PHF21B: variants seen among roughly 807,000 people sequenced by gnomAD.
The protein encoded by PHF21B is PHD finger protein 21B, also known as PHD finger protein 4.
Under a neutral mutation model 62.2 loss-of-function variants are expected in PHF21B, and 22 were observed. The ratio of observed to expected loss-of-function variants is 0.35; its 90% confidence interval spans 0.25 to 0.51. PHF21B has a LOEUF of 0.51. PHF21B is among the 20% of genes least tolerant of loss of function. The pLI, the probability that PHF21B is intolerant of heterozygous loss-of-function variation, is 0.97. For missense variants in PHF21B, 701 were observed against 707.9 expected, an observed-to-expected ratio of 0.99 and a Z score of 0.11; for synonymous variants, 341 against 314.7, an observed-to-expected ratio of 1.08 and a Z score of -0.88.
In PHF21B at chr22:44,888,032, G is replaced by C; in HGVS notation, c.1128C>G (p.Leu376=). 8 of 1,562,090 alleles carry C rather than the reference G, an allele frequency of 5.1e-6. No individual in the cohort carries two copies. The highest frequency in any genetic ancestry group is 6.9e-6 in the Non-Finnish European group (8 of 1,153,954). Residue 376 remains leucine, a synonymous_variant, in exon 10 of 13, where the codon CTC becomes CTG. Coordinates refer to ENST00000313237, the MANE Select transcript of PHF21B (RefSeq NM_138415.5). ...TCTTGAGGGGCGGCTCCAGGCAGCT[G>C]AGGTGGTAGGCCCCCGGGCAGGTGC... ...PCGTCPGAYH[L]SCLEPPLKTA... is the part of the protein sequence containing the mutation.
chr22:44,955,097 G>C (rs1333060760), intron 2 of PHF21B, among the ~76,000 whole-genome samples: 1 of 152,224 alleles, frequency 6.6e-6, no homozygotes, highest in East Asian at 1.9e-4. Context: ...GGCAGAGGGT[G>C]GGAATGGCCG....
intron 2 of PHF21B, among the ~76,000 whole-genome samples, chr22:45,004,702 C>T (rs973337447): frequency 1.3e-5 from 2 of 152,220 alleles, no homozygotes; most frequent in African/African-American, 4.8e-5. Context: ...GATAACCCCC[C>T]AGCTTCATTC....
At chr22:44,942,081 C>G (rs935765736) in intron 2 of PHF21B, among the ~76,000 whole-genome samples, 10 of 152,198 alleles carry the variant, frequency 6.6e-5, no homozygotes, top group African/African-American at 2.4e-4. Context: ...TGACATGGCA[C>G]AGCAAGTCTG....
At chr22:44,947,171 G>A (rs73426654) in intron 2 of PHF21B, among the ~76,000 whole-genome samples, 2,099 of 152,306 alleles carry the variant, frequency 0.014, 59 homozygotes, top group African/African-American at 0.048. Context: ...AGCTGTCCCA[G>A]TCCCCAGGCA....
At chr22:44,988,902 G>A (rs911734400) in intron 2 of PHF21B, among the ~76,000 whole-genome samples, 2 of 152,220 alleles carry the variant, frequency 1.3e-5, no homozygotes, top group African/African-American at 4.8e-5. Context: ...GGTGAGGGCT[G>A]CTCTCTGCTT....
rs548575805 is a variant in PHF21B at position 44,889,045 on chromosome 22, T to C, written c.1038+715A>G. On this transcript the variant is annotated intron_variant, in intron 9 of 12. Coordinates refer to ENST00000313237, the MANE Select transcript of PHF21B (RefSeq NM_138415.5). ...GGCCCCCCAGCACCAACCCGTGCCA[T>C]TGCAGGGCTATTGTGAAAATGACAC... 2.4e-3 allele frequency among the ~76,000 whole-genome samples: 366 copies of C among 152,346 alleles called. 2 individuals are homozygous for C. The highest frequency in any genetic ancestry group is 8.5e-3 in the African/African-American group (354 of 41,588).
intron 2 of PHF21B, among the ~76,000 whole-genome samples, chr22:44,994,381 G>A (rs1020852584): frequency 6.6e-6 from 1 of 152,084 alleles, no homozygotes; most frequent in African/African-American, 2.4e-5. Flanking sequence ...GGTGTAGACA[G>A]AGGCAGAGAC....
intron 2 of PHF21B, among the ~76,000 whole-genome samples, chr22:44,977,894 T>C (rs1301968176): frequency 6.6e-6 from 1 of 152,094 alleles, no homozygotes; most frequent in African/African-American, 2.4e-5. Flanking sequence ...CCTGCATGTT[T>C]TGAACTTTAA....
Position 44,882,608 on chromosome 22 carries a change from C to A in PHF21B, c.*478G>T, listed in dbSNP as rs1282940156. 9.9e-5 allele frequency: 15 copies of A among 151,212 alleles called. No individual in the cohort carries two copies. Among genetic ancestry groups the A allele is most frequent in the Admixed American group, 4.0e-4 (6 of 15,170 alleles). 9.4% of individuals were successfully genotyped at this position (151,212 alleles called of 1,614,324 possible). Reference sequence around the variant, plus strand: ...TGAGGAACTACCTAGATCCACTACCCCGCTTCTCGTCCCAACTACCGCTAC... The same window carrying A: ...TGAGGAACTACCTAGATCCACTACCACGCTTCTCGTCCCAACTACCGCTAC... On this transcript the variant is annotated 3_prime_UTR_variant, in exon 13 of 13. Transcript: ENST00000313237.
At chr22:44,927,587 C>T (rs1449246678) in intron 2 of PHF21B, among the ~76,000 whole-genome samples, 1 of 152,184 alleles carries the variant, frequency 6.6e-6, no homozygotes, top group African/African-American at 2.4e-5. Context: ...CATCCCCTTC[C>T]AACAACCGTC....
chr22:44,990,265 T>A (rs2073021692), intron 2 of PHF21B, among the ~76,000 whole-genome samples: 1 of 152,230 alleles, frequency 6.6e-6, no homozygotes, highest in Non-Finnish European at 1.5e-5. Flanking sequence ...ACTGAGGGTT[T>A]GCCCAGGAAG....
chr22:45,001,259 C>T (rs1236755711), intron 2 of PHF21B: 1 of 152,316 alleles, frequency 6.6e-6, no homozygotes, highest in Admixed American at 6.6e-5. Flanking sequence ...ATTCACCAGC[C>T]CAGTCCGACC....
At chr22:44,999,765 C>G (rs143639730) in intron 2 of PHF21B, among the ~76,000 whole-genome samples, 1 of 152,224 alleles carries the variant, frequency 6.6e-6, no homozygotes, top group East Asian at 1.9e-4. Flanking sequence ...GGCTTCTCTA[C>G]TCACCAGGGG....
In PHF21B at chr22:44,936,090, C is replaced by A. The variant is rs1011845900; in HGVS notation, c.121-15600G>T. On this transcript the variant is annotated intron_variant, in intron 2 of 12. Transcript: ENST00000313237. ...ATGTACTAGGAGAGGCGGAAACATT[C>A]CTTGTCCTCCAAATACCGTGGAGAA... 5.9e-5 allele frequency among the ~76,000 whole-genome samples: 9 copies of A among 152,370 alleles called. 1 individual carries two copies.
At chr22:45,001,888 G>A (rs561051600) in intron 2 of PHF21B, 3 of 152,338 alleles carry the variant, frequency 2.0e-5, no homozygotes, top group Non-Finnish European at 4.4e-5. Flanking sequence ...CGCCGCTCTC[G>A]CCCAAGGATA....
intron 2 of PHF21B, among the ~76,000 whole-genome samples, chr22:44,963,136 C>G (rs139498151): frequency 6.6e-6 from 1 of 152,366 alleles, no homozygotes; most frequent in Non-Finnish European, 1.5e-5. Flanking sequence ...CAAGGACACT[C>G]TGCAGCTGTG....
intron 2 of PHF21B, among the ~76,000 whole-genome samples, chr22:44,931,349 G>A (rs2071737438): frequency 6.6e-6 from 1 of 152,076 alleles, no homozygotes; most frequent in African/African-American, 2.4e-5. Flanking sequence ...AGGCGCAGGC[G>A]GCTCCCACCC....
chr22:44,948,521 A>T (rs1386187694), intron 2 of PHF21B, among the ~76,000 whole-genome samples: 2 of 144,878 alleles, frequency 1.4e-5, no homozygotes, highest in Admixed American at 7.6e-5. Context: ...TCTCTACTAA[A>T]AATAAAATAA....
intron 2 of PHF21B, among the ~76,000 whole-genome samples, chr22:44,972,982 A>G (rs1030938762): frequency 6.6e-6 from 1 of 152,194 alleles, no homozygotes; most frequent in Admixed American, 6.5e-5. Context: ...GGAGGTCCTC[A>G]GCTGTGAGAA....
Sources: allele counts gnomAD v4.1 joint callset (sites outside exome capture counted in the v4.1 genomes callset), GRCh38; gene constraint gnomAD v4.1.1; transcripts MANE v1.5; gene names NCBI Gene and HGNC (gene_info 2026-07-23, HGNC 2026-07-21).